Variants in LXN observed in about 807,000 individuals in gnomAD.
LXN encodes the protein MUM.
Under a neutral mutation model 29.8 loss-of-function variants are expected in LXN, and 28 were observed. The ratio of observed to expected loss-of-function variants is 0.94; its 90% CI spans 0.70 to 1.29. The LOEUF is 1.29. Ranked by LOEUF, LXN falls within the 50% of genes most tolerant of loss-of-function variation. The pLI is 0.00. For missense variants in LXN, 227 were observed against 261.7 expected (o/e 0.87, Z 0.92); for synonymous variants, 77 against 89.6 (o/e 0.86, Z 0.80).
chr3:158,672,058 G>T (rs1231106023), intron 1 of LXN, among the ~76,000 whole-genome samples: 1 of 152,170 alleles, frequency 6.6e-6, no homozygotes, highest in African/African-American at 2.4e-5. Context: ...TACACTTAAG[G>T]AAAGTGCTGC....
At position 158,669,603 on chromosome 3, in the gene LXN, T is replaced by G; in HGVS notation, c.200A>C (p.Lys67Thr). Residue 67 changes from lysine to threonine, a missense_variant, in exon 3 of 6, where the codon AAG becomes ACG. Lys to Thr is a moderately conservative substitution (Grantham distance 78, BLOSUM62 -1). Coordinates refer to ENST00000264265, the MANE Select transcript of LXN (RefSeq NM_020169.4). ...AVEEIIQKQVKVNCTAEVLYP... is the reference protein window; with the variant it reads ...AVEEIIQKQVTVNCTAEVLYP... The stretch of plus-strand genomic sequence containing the variant: ...AAGTACTTCAGCTGTGCAGTTCACC[T>G]TAACTTGCTGTTTGAAATTTAGCAA... The G allele has an allele frequency of 6.2e-7, 1 of 1,613,320 alleles. No individual in the cohort carries two copies. Among genetic ancestry groups the G allele is most frequent in the Non-Finnish European group, 8.5e-7 (1 of 1,179,778 alleles).
Position 158,670,974 on chromosome 3 carries a change from C to A in LXN, c.175G>T (p.Glu59Ter). 1 of 1,540,196 alleles carries A rather than the reference C, an allele frequency of 6.5e-7. No homozygotes were observed. Among genetic ancestry groups the A allele is most frequent in the Non-Finnish European group, 8.7e-7 (1 of 1,146,050 alleles). The part of the protein sequence containing the change: ...GHKYHLKFAV[E>*]EIIQKQVKVN... ...TAACTTACTTTTTGTATAATTTCTT[C>A]AACAGCAAATTTAAGGTGATACTTA... The change falls in exon 2 of 6, where the codon GAA (glutamate) becomes TAA (stop). Residue 59 changes from glutamate (E) to a stop codon, truncating the protein, a stop_gained. Transcript: ENST00000264265. LOFTEE classifies it high-confidence loss of function.
Position 158,672,385 on chromosome 3 carries a change from A to G in LXN, c.94T>C (p.Phe32Leu), listed in dbSNP as rs754979988. ...GCTTGTTTGACCTTCTGCACCTCAAACACCCTGTGCGGGGTCCCCTGCTGG... is the reference window on the plus strand; with the variant it reads ...GCTTGTTTGACCTTCTGCACCTCAAGCACCCTGTGCGGGGTCCCCTGCTGG... The part of the protein sequence containing the change: ...NYQQGTPHRV[F>L]EVQKVKQASM... Residue 32 changes from phenylalanine to leucine, a missense_variant, in exon 1 of 6, where the codon TTT becomes CTT. By Grantham distance (22) the Phe-to-Leu change is conservative (BLOSUM62 0). Transcript: ENST00000264265. 1.7e-5 allele frequency: 27 copies of G among 1,613,750 alleles called. 1 individual carries two copies. In the South Asian group the frequency reaches 2.9e-4, roughly 17 times the overall value.
intron 1 of LXN, 93 bp downstream of exon 1, chr3:158,672,257 C>A: frequency 6.6e-7 from 1 of 1,505,594 alleles, no homozygotes; most frequent in Non-Finnish European, 9.1e-7. Flanking sequence ...GGGGGTGGCA[C>A]GGAGTGTCTG....
intron 4 of LXN, among the ~76,000 whole-genome samples, chr3:158,668,709 G>T (rs1240041736): frequency 6.6e-6 from 1 of 152,206 alleles, no homozygotes; most frequent in Non-Finnish European, 1.5e-5. Context: ...CCCAGAGCAT[G>T]CAACTAACAA....
intron 1 of LXN, among the ~76,000 whole-genome samples, chr3:158,671,965 A>G (rs933148212): frequency 1.2e-4 from 18 of 152,192 alleles, no homozygotes; most frequent in Non-Finnish European, 5.9e-5. Flanking sequence ...GTCTTGGAAG[A>G]TGGGAGCTTT....
chr3:158,667,116 CT>C, intron 4 of LXN, 42 bp from the exon 5 acceptor site: 1 of 1,512,342 alleles, frequency 6.6e-7, no homozygotes. Context: ...AACTTAATAT[CT>C]TTGGCAAAAA....
At position 158,669,608 on chromosome 3, in the gene LXN, T is replaced by A. The variant is rs771522523; in HGVS notation, c.195A>T (p.Gln65His). Reference sequence around the variant, plus strand: ...CTTCAGCTGTGCAGTTCACCTTAACTTGCTGTTTGAAATTTAGCAAAATAT... The same window carrying A: ...CTTCAGCTGTGCAGTTCACCTTAACATGCTGTTTGAAATTTAGCAAAATAT... ...KFAVEEIIQK[Q>H]VKVNCTAEVL... is the part of the protein sequence containing the mutation. The change falls in exon 3 of 6, where the codon CAA becomes CAT. Residue 65 changes from glutamine (Q) to histidine (H), a missense_variant and splice_region_variant. Gln to His is a conservative substitution (Grantham distance 24, BLOSUM62 0). Transcript: ENST00000264265. 1.6e-5 allele frequency: 26 copies of A among 1,613,016 alleles called. No individual in the cohort carries two copies. In the African/African-American group the frequency reaches 3.1e-4, roughly 19 times the overall value.
chr3:158,669,204 A>G, intron 3 of LXN, 72 bp from the exon 4 acceptor site: 1 of 1,443,264 alleles, frequency 6.9e-7, no homozygotes, highest in Non-Finnish European at 9.4e-7. Context: ...CTAAATTCTA[A>G]ATCATGTCTT....
rs1724458250 is a variant in LXN at position 158,672,610 on chromosome 3, T to G, written c.-132A>C. ...AAGTCGCAAGCTCCTTCAGTCAGTC[T>G]TCTTCCTCAGCTCCTTCCGACTCCG... On this transcript the variant is annotated 5_prime_UTR_variant, in exon 1 of 6. Coordinates refer to ENST00000264265, the MANE Select transcript of LXN (RefSeq NM_020169.4). 2 of 1,007,016 alleles carry G rather than the reference T, an allele frequency of 2.0e-6. No individual in the cohort carries two copies. Among genetic ancestry groups the G allele is most frequent in the Non-Finnish European group, 2.9e-6 (2 of 692,928 alleles). The allele number at this position is 1,007,016 out of a possible 1,614,324, so 62.4% of individuals were successfully genotyped here. A position where few individuals can be genotyped will look rare whatever the true frequency, so the allele number is the denominator to read the frequency against.
intron 3 of LXN, 62 bp from the exon 4 acceptor site, chr3:158,669,194 C>T: frequency 6.9e-7 from 1 of 1,453,440 alleles, no homozygotes; most frequent in South Asian, 1.3e-5. Flanking sequence ...AAAACAAAAT[C>T]TAAATTCTAA....
chr3:158,667,046 T>A lies in LXN; in HGVS notation c.536A>T (p.Asp179Val). The A allele has an allele frequency of 6.3e-7, 1 of 1,594,830 alleles. No individual in the cohort carries two copies. The highest frequency in any genetic ancestry group is 8.5e-7 in the Non-Finnish European group (1 of 1,174,206). Reference sequence around the variant, plus strand: ...TATATTATGAAGTAGAATGGTGTAGTCTAATTCAATAAAGTCATCATTTCT... The same window carrying A: ...TATATTATGAAGTAGAATGGTGTAGACTAATTCAATAAAGTCATCATTTCT... ...VQRNDDFIEL[D>V]YTILLHNIAS... The change falls in exon 5 of 6, where the codon GAC becomes GTC. Residue 179 changes from aspartate to valine, a missense_variant. Transcript: ENST00000264265.
chr3:158,669,762 T>C (rs1724092214), intron 2 of LXN, 152 bp from the exon 3 acceptor site: 2 of 692,826 alleles, frequency 2.9e-6, no homozygotes, highest in Admixed American at 6.2e-5. Context: ...TAATTGGGCC[T>C]GGCCTATTAA....
intron 4 of LXN, among the ~76,000 whole-genome samples, chr3:158,667,459 A>G (rs1293149659): frequency 6.6e-6 from 1 of 152,218 alleles, no homozygotes; most frequent in Non-Finnish European, 1.5e-5. Context: ...CATTGAAAGA[A>G]TCCAATTTTA....
At position 158,666,692 on chromosome 3, in the gene LXN, T is replaced by G; in HGVS notation, c.623A>C (p.Lys208Thr). 2 of 1,614,076 alleles carry G rather than the reference T, an allele frequency of 1.2e-6. No individual in the cohort carries two copies. Among genetic ancestry groups the G allele is most frequent in the South Asian group, 2.2e-5 (2 of 91,082 alleles). ...TGGCAGACGGCTATTATGTTTTACT[T>G]TAGTGCCGTATTGTGGATGCCAGAG... ...QVLWHPQYGT[K>T]VKHNSRLPKE... Residue 208 changes from lysine (K) to threonine (T), a missense_variant, in exon 6 of 6, where the codon AAA becomes ACA. Transcript: ENST00000264265.
At position 158,668,994 on chromosome 3, in the gene LXN, AC is replaced by A. The variant is rs780786585; in HGVS notation, c.507+1del. The A allele has an allele frequency of 1.2e-6, 2 of 1,606,640 alleles. No homozygotes were observed. Among genetic ancestry groups the A allele is most frequent in the Admixed American group, 3.4e-5 (2 of 58,716 alleles). On this transcript the variant is annotated splice_donor_variant, in intron 4 of 5. Transcript: ENST00000264265. LOFTEE classifies it high-confidence loss of function. Reference sequence around the variant, plus strand: ...ATAGTGTATTTTATAGAAACTACTTACCACTTGCTTGACAGTTTGAATTTTT... The same window carrying A: ...ATAGTGTATTTTATAGAAACTACTTACACTTGCTTGACAGTTTGAATTTTT...
At chr3:158,669,719 C>T (rs2108062923) in intron 2 of LXN, 109 bp from the exon 3 acceptor site, 2 of 1,069,668 alleles carry the variant, frequency 1.9e-6, no homozygotes, top group East Asian at 2.6e-5. Flanking sequence ...TTGTTTTAGA[C>T]TAGACTTCAA....
chr3:158,667,053 C>A lies in LXN; in HGVS notation c.529G>T (p.Glu177Ter). The A allele has an allele frequency of 6.3e-7, 1 of 1,591,118 alleles. No individual in the cohort carries two copies. The highest frequency in any genetic ancestry group is 1.2e-5 in the South Asian group (1 of 85,456). Residue 177 changes from glutamate (E) to a stop codon, truncating the protein, a stop_gained, in exon 5 of 6, where the codon GAA becomes TAA. Transcript: ENST00000264265. LOFTEE classifies it high-confidence loss of function. ...TGAAGTAGAATGGTGTAGTCTAATTCAATAAAGTCATCATTTCTTTGCTAT... is the reference window on the plus strand; with the variant it reads ...TGAAGTAGAATGGTGTAGTCTAATTAAATAAAGTCATCATTTCTTTGCTAT... ...KQVQRNDDFI[E>*]LDYTILLHNI...
intron 4 of LXN, 36 bp from the exon 5 acceptor site, chr3:158,667,110 T>G: frequency 3.3e-6 from 5 of 1,531,088 alleles, no homozygotes; most frequent in South Asian, 1.3e-5. Flanking sequence ...GTTTAAAACT[T>G]AATATCTTTG....
Sources: gnomAD v4.1 joint callset for allele counts (sites outside exome capture counted in the v4.1 genomes callset) on GRCh38, gnomAD v4.1.1 for gene constraint, MANE v1.5 for transcripts, NCBI Gene and HGNC (gene_info 2026-07-23, HGNC 2026-07-21) for gene names.